EDIL3: variants seen among roughly 807,000 people sequenced by gnomAD.
The protein encoded by EDIL3 is EGF like and discoidin domains 3.
Under a neutral mutation model 67.4 loss-of-function variants are expected in EDIL3, and 37 were observed. That is an observed-to-expected ratio of 0.55 (90% CI 0.42 to 0.72). The LOEUF (loss-of-function observed/expected upper bound fraction) is 0.72, where lower values mean the gene tolerates loss of function less well. Ranked by LOEUF, EDIL3 falls within the 30% of genes least tolerant of loss-of-function variation. The probability of loss-of-function intolerance (pLI) is 0.00; values close to 1 mark genes in which losing one functional copy is unlikely to be tolerated. For synonymous variants in EDIL3, 195 were observed against 196.3 expected, an observed-to-expected ratio of 0.99 and a Z score of 0.05; for missense variants, 527 against 586.3, an observed-to-expected ratio of 0.90 and a Z score of 1.04.
chr5:84,200,684 C>T (rs1298759779), intron 3 of EDIL3, among the ~76,000 whole-genome samples: 5 of 152,104 alleles, frequency 3.3e-5, no homozygotes, highest in Admixed American at 3.3e-4. Flanking sequence ...TCTAATAGCA[C>T]TGAAACTCAT....
intron 1 of EDIL3, among the ~76,000 whole-genome samples, chr5:84,352,846 A>T (rs371815759): frequency 2.6e-5 from 4 of 152,310 alleles, no homozygotes; most frequent in South Asian, 4.1e-4. Context: ...GGCCCAAAAA[A>T]TAATAAAAAT....
intron 1 of EDIL3, among the ~76,000 whole-genome samples, chr5:84,335,293 TA>T (rs985463197): frequency 6.6e-6 from 1 of 152,254 alleles, no homozygotes; most frequent in African/African-American, 2.4e-5. Context: ...ACAAGGGCTT[TA>T]TAGCCATGCT....
At chr5:84,041,662 A>T (rs1415780142) in intron 9 of EDIL3, among the ~76,000 whole-genome samples, 2 of 145,368 alleles carry the variant, frequency 1.4e-5, no homozygotes, top group East Asian at 3.9e-4. Flanking sequence ...ACTTATATGT[A>T]TATACTTATA....
intron 2 of EDIL3, among the ~76,000 whole-genome samples, chr5:84,233,192 AT>A (rs1353381052): frequency 2.0e-5 from 3 of 152,198 alleles, no homozygotes; most frequent in Non-Finnish European, 4.4e-5. Context: ...AGGTAAAAAA[AT>A]ATATCAGACA....
chr5:84,113,534 G>A (rs1747610811), intron 5 of EDIL3, among the ~76,000 whole-genome samples: 2 of 152,162 alleles, frequency 1.3e-5, no homozygotes, highest in South Asian at 4.1e-4. Flanking sequence ...CTTTGGCCAA[G>A]AGGGATGTGA....
chr5:84,195,739 G>A (rs1743690493), intron 3 of EDIL3, among the ~76,000 whole-genome samples: 1 of 151,964 alleles, frequency 6.6e-6, no homozygotes, highest in African/African-American at 2.4e-5. Flanking sequence ...ATATCTTCTG[G>A]ATGAAGAATG....
chr5:84,279,678 C>A (rs183843902), intron 1 of EDIL3, among the ~76,000 whole-genome samples: 56 of 152,304 alleles, frequency 3.7e-4, no homozygotes, highest in Admixed American at 3.3e-3. Flanking sequence ...TGCTATCACT[C>A]TTCCTTGTCC....
chr5:83,982,940 C>T (rs1399433684), intron 9 of EDIL3, among the ~76,000 whole-genome samples: 4 of 152,168 alleles, frequency 2.6e-5, no homozygotes, highest in Non-Finnish European at 5.9e-5. Flanking sequence ...AGCCAAGCCT[C>T]AGTCTGTATT....
At chr5:84,257,704 C>T (rs769415767) in intron 1 of EDIL3, among the ~76,000 whole-genome samples, 1 of 151,862 alleles carries the variant, frequency 6.6e-6, no homozygotes, top group Non-Finnish European at 1.5e-5. Flanking sequence ...TGAAAATGTC[C>T]GATTAAGCTA....
chr5:84,363,542 T>C (rs72766416), intron 1 of EDIL3, among the ~76,000 whole-genome samples: 13,726 of 152,190 alleles, frequency 0.09, 778 homozygotes, highest in South Asian at 0.21. Flanking sequence ...ACATGTTTTT[T>C]CTAGAAACAA....
intron 2 of EDIL3, among the ~76,000 whole-genome samples, chr5:84,246,934 G>A (rs1033624021): frequency 2.6e-5 from 4 of 152,014 alleles, no homozygotes; most frequent in East Asian, 3.9e-4. Context: ...AAATTAGTAC[G>A]AAAACTTTCC....
chr5:84,132,006 G>T (rs894395098), intron 5 of EDIL3, among the ~76,000 whole-genome samples: 1 of 151,622 alleles, frequency 6.6e-6, no homozygotes, highest in Non-Finnish European at 1.5e-5. Flanking sequence ...ATTGAGGTGG[G>T]CGGATCTCCT....
intron 1 of EDIL3, among the ~76,000 whole-genome samples, chr5:84,269,870 A>G (rs1745428278): frequency 6.6e-6 from 1 of 152,182 alleles, no homozygotes; most frequent in African/African-American, 2.4e-5. Context: ...AACGTTCTTC[A>G]CTTTAAGTTT....
intron 3 of EDIL3, among the ~76,000 whole-genome samples, chr5:84,199,137 A>AACC (rs1408837871): frequency 9.2e-5 from 14 of 152,096 alleles, no homozygotes; most frequent in Admixed American, 9.2e-4. Flanking sequence ...TCTTTATCAG[A>AACC]AGGGCCTATG....
chr5:84,356,679 G>A (rs997454092), intron 1 of EDIL3, among the ~76,000 whole-genome samples: 4 of 152,102 alleles, frequency 2.6e-5, no homozygotes, highest in Non-Finnish European at 5.9e-5. Context: ...GGAAGAACAG[G>A]TTCGGGGAAG....
chr5:84,066,025 G>A (rs968185116), intron 7 of EDIL3, among the ~76,000 whole-genome samples: 3 of 150,856 alleles, frequency 2.0e-5, no homozygotes, highest in African/African-American at 7.3e-5. Flanking sequence ...TGAGGCAGGA[G>A]AATGGGGTGA....
chr5:84,354,422 C>A (rs566781531), intron 1 of EDIL3, among the ~76,000 whole-genome samples: 12 of 152,114 alleles, frequency 7.9e-5, no homozygotes, highest in African/African-American at 2.9e-4. Context: ...TTTGGGAAGC[C>A]GAGGCAAGCA....
At chr5:84,141,488 A>G (rs1748187299) in intron 4 of EDIL3, among the ~76,000 whole-genome samples, 1 of 146,958 alleles carries the variant, frequency 6.8e-6, no homozygotes, top group Non-Finnish European at 1.5e-5. Context: ...ATATTTCATA[A>G]TTATATATAT....
chr5:84,379,552 T>G (rs1748034644), intron 1 of EDIL3, among the ~76,000 whole-genome samples: 1 of 152,168 alleles, frequency 6.6e-6, no homozygotes, highest in East Asian at 1.9e-4. Flanking sequence ...TTTATGAAAC[T>G]TATAGTTCAT....
Sources: allele counts gnomAD v4.1 joint callset (sites outside exome capture counted in the v4.1 genomes callset), GRCh38; gene constraint gnomAD v4.1.1; transcripts MANE v1.5; gene names NCBI Gene and HGNC (gene_info 2026-07-23, HGNC 2026-07-21).